Variants in CNOT7 observed in about 807,000 individuals in gnomAD.
CNOT7 encodes the protein BTG1-binding factor 1.
CNOT7 carries 4 observed loss-of-function variants against 37.1 expected under a neutral mutation model. The ratio of observed to expected loss-of-function variants is 0.11; its 90% CI spans 0.05 to 0.25. The LOEUF (loss-of-function observed/expected upper bound fraction) is 0.25, where lower values mean the gene tolerates loss of function less well. Among genes scored for constraint, CNOT7 ranks in the 10% least tolerant of loss-of-function variants. CNOT7 has a pLI of 1.00. For synonymous variants in CNOT7, 128 were observed against 115.6 expected (o/e 1.11, Z -0.69); for missense variants, 170 against 336.2 (o/e 0.51, Z 3.87).
chr8:17,245,929 C>T (rs1368167575), intron 1 of CNOT7: 6 of 151,394 alleles, frequency 4.0e-5, no homozygotes, highest in African/African-American at 1.5e-4. Context: ...ATTTCAAATC[C>T]TTCTGCATTT....
intron 6 of CNOT7, 138 bp from the exon 7 acceptor site, chr8:17,230,986 T>A (rs1808524392): frequency 1.7e-6 from 1 of 588,474 alleles, no homozygotes; most frequent in Admixed American, 3.4e-5. Flanking sequence ...CCTTTGAGGC[T>A]ACGCATTTCA....
At position 17,229,944 on chromosome 8, in the gene CNOT7, C is replaced by G. The variant is rs755966034; in HGVS notation, c.*776G>C. On this transcript the variant is annotated 3_prime_UTR_variant, in exon 7 of 7. Transcript: ENST00000361272. ...CTTCAACATCTTGAGTACCAGTTTC[C>G]TGGCAGATAGTAAACATCCAATCAC... 6.6e-6 allele frequency: 1 copy of G among 152,176 alleles called. No homozygotes were observed. The highest frequency in any genetic ancestry group is 1.5e-5 in the Non-Finnish European group (1 of 67,854). 9.4% of individuals were successfully genotyped at this position (152,176 alleles called of 1,614,324 possible).
chr8:17,235,553 C>G (rs1274017998), intron 4 of CNOT7, among the ~76,000 whole-genome samples: 1 of 152,140 alleles, frequency 6.6e-6, no homozygotes, highest in African/African-American at 2.4e-5. Context: ...CTCCTACACT[C>G]TCAAATCCAG....
At chr8:17,241,435 C>G (rs980039619) in intron 3 of CNOT7, 50 of 152,112 alleles carry the variant, frequency 3.3e-4, no homozygotes, top group Admixed American at 3.0e-3. Context: ...AGTGTAATTA[C>G]AAGCCACACT....
chr8:17,240,673 T>C (rs1810040654), intron 3 of CNOT7, among the ~76,000 whole-genome samples: 1 of 152,198 alleles, frequency 6.6e-6, no homozygotes, highest in Non-Finnish European at 1.5e-5. Flanking sequence ...GTATCTAATT[T>C]AAAAACAATG....
At chr8:17,232,396 A>G in intron 6 of CNOT7, 31 bp downstream of exon 6, 1 of 1,613,256 alleles carries the variant, frequency 6.2e-7, no homozygotes, top group Non-Finnish European at 8.5e-7. Flanking sequence ...CCTAACAACC[A>G]ACTGAGAAAA....
rs1045256370 is a variant in CNOT7, at chr8:17,229,285, CCT to C, written c.*1433_*1434del. On this transcript the variant is annotated 3_prime_UTR_variant, in exon 7 of 7. Coordinates refer to ENST00000361272, the MANE Select transcript of CNOT7 (RefSeq NM_013354.7). ...CAAAAGCTTTAAAAACAAATAATAC[CCT>C]CTGTTTTGCAAATAATGTTTTGTTT... 3.3e-5 allele frequency: 5 copies of C among 151,708 alleles called. No individual in the cohort carries two copies. The highest frequency in any genetic ancestry group is 1.3e-4 in the Admixed American group (2 of 15,224). 9.4% of individuals were successfully genotyped at this position (151,708 alleles called of 1,614,324 possible). A position where few individuals can be genotyped will look rare whatever the true frequency, so the allele number is the denominator to read the frequency against.
In CNOT7 at chr8:17,226,856, A is replaced by G. The variant is rs1391931353; in HGVS notation, c.*3864T>C. 1 of 151,784 alleles carries G rather than the reference A, an allele frequency of 6.6e-6. No individual in the cohort carries two copies. The highest frequency in any genetic ancestry group is 1.5e-5 in the Non-Finnish European group (1 of 67,744). The allele number at this position is 151,784 out of a possible 1,614,324, so 9.4% of individuals were successfully genotyped here. ...CAAAAGTTAATTTCCAAAGTTACTCAGTGTTAAAAAACAGTGGTTGAGGAT... is the reference window on the plus strand; with the variant it reads ...CAAAAGTTAATTTCCAAAGTTACTCGGTGTTAAAAAACAGTGGTTGAGGAT... On this transcript the variant is annotated 3_prime_UTR_variant, in exon 7 of 7. Transcript: ENST00000361272.
At chr8:17,238,260 C>G (rs149338748) in intron 3 of CNOT7, among the ~76,000 whole-genome samples, 1 of 152,190 alleles carries the variant, frequency 6.6e-6, no homozygotes, top group Non-Finnish European at 1.5e-5. Flanking sequence ...ATACTGGTTT[C>G]TACCTCTTGG....
intron 5 of CNOT7, among the ~76,000 whole-genome samples, chr8:17,234,225 G>C (rs1585791783): frequency 6.6e-6 from 1 of 152,140 alleles, no homozygotes; most frequent in East Asian, 1.9e-4. Flanking sequence ...AATCCTAGGA[G>C]CATTATCCTA....
chr8:17,243,921 G>C (rs563835616), intron 2 of CNOT7, among the ~76,000 whole-genome samples: 117 of 152,242 alleles, frequency 7.7e-4, no homozygotes, highest in African/African-American at 2.4e-3. Context: ...CCAAAGTAAT[G>C]CATTTGTTTA....
At chr8:17,239,739 C>T (rs907065548) in intron 3 of CNOT7, among the ~76,000 whole-genome samples, 11 of 152,144 alleles carry the variant, frequency 7.2e-5, no homozygotes, top group Non-Finnish European at 1.3e-4. Flanking sequence ...GTGATCCGCC[C>T]GCCTCGGCCT....
intron 6 of CNOT7, among the ~76,000 whole-genome samples, 153 bp from the exon 7 acceptor site, chr8:17,231,001 A>C (rs186859443): frequency 1.6e-4 from 24 of 152,248 alleles, no homozygotes; most frequent in Non-Finnish European, 3.2e-4. Context: ...ATTTCAGTTC[A>C]ATGAGTAAGA....
At position 17,245,236 on chromosome 8, in the gene CNOT7, T is replaced by C; in HGVS notation, c.-84A>G. The C allele has an allele frequency of 4.3e-6, 6 of 1,389,958 alleles. No individual in the cohort carries two copies. Among genetic ancestry groups the C allele is most frequent in the Non-Finnish European group, 5.7e-6 (6 of 1,044,554 alleles). 86.1% of individuals were successfully genotyped at this position (1,389,958 alleles called of 1,614,324 possible). A position where few individuals can be genotyped will look rare whatever the true frequency, so the allele number is the denominator to read the frequency against. ...TTTGTTTCATAAAATATTTTATCCT[T>C]TATTTATGTACCTGTCAAAATAAAA... On this transcript the variant is annotated 5_prime_UTR_variant, in exon 2 of 7. The change abolishes the stop of an existing upstream ORF in the 5' untranslated region. Transcript: ENST00000361272.
chr8:17,244,225 A>C (rs1475078140), intron 2 of CNOT7: 2 of 153,158 alleles, frequency 1.3e-5, no homozygotes, highest in Non-Finnish European at 2.9e-5. Flanking sequence ...AAAGAAGAAA[A>C]ATCATTAACT....
chr8:17,238,403 T>A (rs1366287635), intron 3 of CNOT7, among the ~76,000 whole-genome samples: 1 of 151,284 alleles, frequency 6.6e-6, no homozygotes, highest in African/African-American at 2.4e-5. Flanking sequence ...TACAAAACAA[T>A]GGAAATATTT....
At chr8:17,240,961 G>C (rs1468245281) in intron 3 of CNOT7, among the ~76,000 whole-genome samples, 3 of 152,148 alleles carry the variant, frequency 2.0e-5, no homozygotes. Flanking sequence ...ATCTCATAAT[G>C]TTTTAAGAAA....
At chr8:17,233,454 T>C (rs1808906821) in intron 5 of CNOT7, among the ~76,000 whole-genome samples, 1 of 152,182 alleles carries the variant, frequency 6.6e-6, no homozygotes, top group Non-Finnish European at 1.5e-5. Context: ...AAAAGCACCT[T>C]TGTCGTTAAC....
At chr8:17,235,089 C>A (rs1809166112) in intron 4 of CNOT7, among the ~76,000 whole-genome samples, 1 of 152,110 alleles carries the variant, frequency 6.6e-6, no homozygotes, top group African/African-American at 2.4e-5. Context: ...GAGATATCAA[C>A]ACAGACCTAC....
Sources: allele counts gnomAD v4.1 joint callset (sites outside exome capture counted in the v4.1 genomes callset), GRCh38; gene constraint gnomAD v4.1.1; transcripts MANE v1.5; gene names NCBI Gene and HGNC (gene_info 2026-07-23, HGNC 2026-07-21).